AXDND1: variants seen among roughly 807,000 people sequenced by gnomAD.
AXDND1 encodes the protein axonemal dynein light chain domain-containing protein 1.
Under a neutral mutation model 137.5 loss-of-function variants are expected in AXDND1, and 110 were observed. The observed-to-expected ratio is 0.80, with a 90% CI of 0.69 to 0.94. The LOEUF (loss-of-function observed/expected upper bound fraction) is 0.94, where lower values mean the gene tolerates loss of function less well. Among genes scored for constraint, AXDND1 ranks in the 40% least tolerant of loss-of-function variants. AXDND1 has a pLI of 0.00. For synonymous variants in AXDND1, 414 were observed against 399.7 expected (o/e 1.04, Z -0.43); for missense variants, 1,191 against 1,169.8 (o/e 1.02, Z -0.26).
At chr1:179,432,520 A>G (rs1571812160) in intron 15 of AXDND1, among the ~76,000 whole-genome samples, 178 bp downstream of exon 15, 2 of 151,686 alleles carry the variant, frequency 1.3e-5, no homozygotes, top group Admixed American at 1.3e-4. Flanking sequence ...CCACCTCCTG[A>G]GTTCAAGCGA....
intron 25 of AXDND1, among the ~76,000 whole-genome samples, chr1:179,535,868 C>G (rs1178543627): frequency 6.6e-6 from 1 of 152,216 alleles, no homozygotes; most frequent in Non-Finnish European, 1.5e-5. Context: ...TATTTCTCCA[C>G]ATCCTCTCCA....
At chr1:179,367,324 T>G (rs1316800497) in intron 2 of AXDND1, among the ~76,000 whole-genome samples, 3 of 152,038 alleles carry the variant, frequency 2.0e-5, no homozygotes, top group Non-Finnish European at 4.4e-5. Context: ...GAGACCATTC[T>G]GGCCAACATG....
intron 12 of AXDND1, among the ~76,000 whole-genome samples, chr1:179,420,301 C>G (rs1186204966): frequency 1.3e-5 from 2 of 152,166 alleles, no homozygotes; most frequent in African/African-American, 2.4e-5. Flanking sequence ...CCCACTTGAT[C>G]ATGGTGAATG....
chr1:179,402,757 C>G (rs193155920), intron 11 of AXDND1, among the ~76,000 whole-genome samples: 1 of 152,170 alleles, frequency 6.6e-6, no homozygotes, highest in Non-Finnish European at 1.5e-5. Flanking sequence ...GCTCTCCTTA[C>G]AGGAAATCTC....
intron 11 of AXDND1, among the ~76,000 whole-genome samples, chr1:179,408,489 G>T (rs760110945): frequency 1.3e-5 from 2 of 151,362 alleles, no homozygotes; most frequent in Non-Finnish European, 2.9e-5. Context: ...CTATTCTTCT[G>T]CCTCAGCCTC....
chr1:179,468,464 G>A lies in AXDND1; in HGVS notation c.1820G>A (p.Ser607Asn). ...CTAGGTTACTCCAAAATTCTTCCAA[G>A]TTTGATTAGTTCTCTTGACTTCTGT... is the stretch of plus-strand genomic sequence containing the variant. The part of the protein sequence containing the change: ...GDNGYSKILP[S>N]LISSLDFCSF... Residue 607 changes from serine to asparagine, a missense_variant, in exon 17 of 26, where the codon AGT becomes AAT. Coordinates refer to ENST00000367618, the MANE Select transcript of AXDND1 (RefSeq NM_144696.6). The A allele has an allele frequency of 6.2e-7, 1 of 1,609,620 alleles. No individual in the cohort carries two copies. The highest frequency in any genetic ancestry group is 8.5e-7 in the Non-Finnish European group (1 of 1,178,500).
At chr1:179,456,269 A>G (rs1412410946) in intron 16 of AXDND1, 2 of 734,556 alleles carry the variant, frequency 2.7e-6, no homozygotes, top group Non-Finnish European at 5.0e-6. Context: ...TGGAACCTCC[A>G]TAGCCACCTT....
intron 4 of AXDND1, among the ~76,000 whole-genome samples, chr1:179,376,665 T>C (rs1049542863): frequency 1.3e-4 from 20 of 152,312 alleles, no homozygotes; most frequent in African/African-American, 4.6e-4. Context: ...GGTGGTGTTG[T>C]TATTAGTTAT....
At chr1:179,381,355 T>TC (rs1648274897) in intron 6 of AXDND1, among the ~76,000 whole-genome samples, 1 of 148,840 alleles carries the variant, frequency 6.7e-6, no homozygotes, top group African/African-American at 2.5e-5. Flanking sequence ...TTTTTTTTTT[T>TC]TTTTTTGAGA....
intron 11 of AXDND1, among the ~76,000 whole-genome samples, chr1:179,402,104 G>A (rs1311185411): frequency 4.6e-5 from 7 of 151,080 alleles, no homozygotes; most frequent in African/African-American, 7.3e-5. Context: ...CCTGGGAGGC[G>A]GAGGTTGCAG....
intron 16 of AXDND1, among the ~76,000 whole-genome samples, chr1:179,459,227 A>G (rs60988936): frequency 0.11 from 16,411 of 151,430 alleles, 1,012 homozygotes; most frequent in African/African-American, 0.14. Context: ...CCTGGGTTCA[A>G]ACAATCCTCC....
intron 17 of AXDND1, among the ~76,000 whole-genome samples, chr1:179,476,887 G>A (rs1664704344): frequency 1.3e-5 from 2 of 152,012 alleles, no homozygotes; most frequent in Admixed American, 6.6e-5. Flanking sequence ...ATGTGTTATT[G>A]TTTTTCAATA....
intron 16 of AXDND1, among the ~76,000 whole-genome samples, chr1:179,446,133 T>C (rs1659698693): frequency 6.6e-6 from 1 of 152,202 alleles, no homozygotes; most frequent in South Asian, 2.1e-4. Context: ...CACTTATATA[T>C]CTTCTTTGGA....
chr1:179,505,561 T>C (rs977593362), intron 20 of AXDND1, among the ~76,000 whole-genome samples: 13 of 149,938 alleles, frequency 8.7e-5, no homozygotes, highest in Non-Finnish European at 7.4e-5. Flanking sequence ...GGCAGGAGAA[T>C]CCCTTGAACC....
chr1:179,546,352 A>G (rs1371631828), intron 25 of AXDND1: 1 of 151,032 alleles, frequency 6.6e-6, no homozygotes, highest in African/African-American at 2.4e-5. Flanking sequence ...GGGCACCTGC[A>G]CTGCTGCTCT....
chr1:179,554,185 A>C (rs1217045925), intron 25 of AXDND1, among the ~76,000 whole-genome samples: 1 of 152,152 alleles, frequency 6.6e-6, no homozygotes, highest in Non-Finnish European at 1.5e-5. Flanking sequence ...GAGTACTGGG[A>C]TTACAGGTGT....
chr1:179,482,597 C>G (rs1393257047), intron 17 of AXDND1, among the ~76,000 whole-genome samples: 1 of 152,036 alleles, frequency 6.6e-6, no homozygotes, highest in Non-Finnish European at 1.5e-5. Flanking sequence ...GGTTCAAATA[C>G]CATAGATTAT....
intron 12 of AXDND1, among the ~76,000 whole-genome samples, chr1:179,412,516 A>G (rs1266820608): frequency 6.6e-6 from 1 of 152,124 alleles, no homozygotes; most frequent in Non-Finnish European, 1.5e-5. Flanking sequence ...TGTAGAAGGC[A>G]TCCCTGTCAA....
chr1:179,500,497 A>G (rs6702905), intron 20 of AXDND1, among the ~76,000 whole-genome samples: 109,061 of 151,696 alleles, frequency 0.72, 40,396 homozygotes, highest in South Asian at 0.83. Flanking sequence ...GTTTCTTTCT[A>G]GAGTATATTT....
Sources: gnomAD v4.1 joint callset for allele counts (sites outside exome capture counted in the v4.1 genomes callset) on GRCh38, gnomAD v4.1.1 for gene constraint, MANE v1.5 for transcripts, NCBI Gene and HGNC (gene_info 2026-07-23, HGNC 2026-07-21) for gene names.